Variants in CFAP43 observed in about 807,000 individuals in gnomAD.
The protein encoded by CFAP43 is cilia- and flagella-associated protein 43.
A neutral mutation model predicts 218.9 loss-of-function variants in CFAP43; 155 were observed. The observed-to-expected ratio is 0.71, with a 90% CI of 0.62 to 0.81. The LOEUF is 0.81. Among genes scored for constraint, CFAP43 ranks in the 30% least tolerant of loss-of-function variants. The pLI is 0.00. For synonymous variants in CFAP43, 645 were observed against 681.3 expected, an observed-to-expected ratio of 0.95 and a Z score of 0.83; for missense variants, 1,778 against 1,954.3, an observed-to-expected ratio of 0.91 and a Z score of 1.70.
intron 5 of CFAP43, among the ~76,000 whole-genome samples, chr10:104,208,941 G>A (rs1039513581): frequency 6.6e-5 from 10 of 152,156 alleles, no homozygotes; most frequent in African/African-American, 2.4e-4. Context: ...CCCTAAATAA[G>A]TTGTGTAATG....
At chr10:104,153,638 C>T (rs180948052) in intron 27 of CFAP43, among the ~76,000 whole-genome samples, 1 of 152,192 alleles carries the variant, frequency 6.6e-6, no homozygotes, top group Non-Finnish European at 1.5e-5. Context: ...AATTTGTTTG[C>T]AACTGTTAAT....
At chr10:104,169,523 T>C (rs1589692767) in intron 20 of CFAP43, among the ~76,000 whole-genome samples, 2 of 152,126 alleles carry the variant, frequency 1.3e-5, no homozygotes, top group South Asian at 4.1e-4. Flanking sequence ...AATAATTAAG[T>C]ATTCTTATTT....
chr10:104,143,498 T>C lies in CFAP43; in HGVS notation c.4086A>G (p.Pro1362=), dbSNP rs762508172. The C allele has an allele frequency of 6.2e-7, 1 of 1,614,262 alleles. No individual in the cohort carries two copies. The highest frequency in any genetic ancestry group is 1.1e-5 in the South Asian group (1 of 91,092). Residue 1362 remains proline, a synonymous_variant, in exon 32 of 38, where the codon CCA becomes CCG. Coordinates refer to ENST00000357060, the MANE Select transcript of CFAP43 (RefSeq NM_025145.7). ...TCCAGACCAAAGGGTCCAAGCCTTC[T>C]GGCATGTTACTAATATTGTCCAACT... ...MDELDNISNM[P]EGLDPLVWNH...
At chr10:104,223,147 G>T (rs1341836489) in intron 3 of CFAP43, among the ~76,000 whole-genome samples, 1 of 152,228 alleles carries the variant, frequency 6.6e-6, no homozygotes, top group African/African-American at 2.4e-5. Flanking sequence ...TGCTCAAGGT[G>T]GTGGGCATGT....
At chr10:104,146,148 A>C in intron 30 of CFAP43, 115 bp downstream of exon 30, 2 of 775,518 alleles carry the variant, frequency 2.6e-6, no homozygotes, top group Non-Finnish European at 4.2e-6. Context: ...ATAGCTGAGA[A>C]TTAAGTGGGA....
chr10:104,150,174 C>T (rs893890067), intron 28 of CFAP43, among the ~76,000 whole-genome samples: 42 of 152,184 alleles, frequency 2.8e-4, no homozygotes, highest in African/African-American at 1.0e-3. Flanking sequence ...ATATTTTACT[C>T]ATCTGCTCTC....
At chr10:104,187,588 T>A in intron 13 of CFAP43, 96 bp from the exon 14 acceptor site, 2 of 1,086,500 alleles carry the variant, frequency 1.8e-6, no homozygotes, top group Non-Finnish European at 2.5e-6. Context: ...AAATAAAATT[T>A]AAATGCTCAA....
In CFAP43 at chr10:104,145,478, T is replaced by C; in HGVS notation, c.3942A>G (p.Pro1314=). Residue 1314 remains proline (P), a splice_region_variant and synonymous_variant, in exon 31 of 38, where the codon CCA becomes CCG. Coordinates refer to ENST00000357060, the MANE Select transcript of CFAP43 (RefSeq NM_025145.7). ...ACAATAGTGAAGGAGAAACAAACCT[T>C]GGTCGGCGTTTAAAAAGTTTGTAGA... The part of the protein sequence containing the change: ...DILYKLFKRR[P]RISKQKTHSE... 6.3e-7 allele frequency: 1 copy of C among 1,590,084 alleles called. No individual in the cohort carries two copies. Among genetic ancestry groups the C allele is most frequent in the Non-Finnish European group, 8.6e-7 (1 of 1,162,706 alleles).
intron 34 of CFAP43, among the ~76,000 whole-genome samples, chr10:104,139,396 C>G (rs186882821): frequency 6.6e-6 from 1 of 152,118 alleles, no homozygotes; most frequent in Non-Finnish European, 1.5e-5. Context: ...AAGAATCTCA[C>G]GCACACATGT....
At chr10:104,202,295 G>A (rs1419186505) in intron 8 of CFAP43, among the ~76,000 whole-genome samples, 1 of 151,956 alleles carries the variant, frequency 6.6e-6, no homozygotes, top group Admixed American at 6.6e-5. Flanking sequence ...TCTTTTCTCC[G>A]ACTGCTTTTA....
In CFAP43 at chr10:104,200,670, CAAAAAAAAAA is replaced by C. The variant is rs71022722; in HGVS notation, c.1096-2642_1096-2633del. On this transcript the variant is annotated intron_variant, in intron 8 of 37. Coordinates refer to ENST00000357060, the MANE Select transcript of CFAP43 (RefSeq NM_025145.7). ...TGGGTGACAGAGCAAGACTCTGTCT[CAAAAAAAAAA>C]AAAAAAAAAAAAAAAAGACCCAAAG... Among the ~76,000 whole-genome samples the C allele has an allele frequency of 4.0e-4, 9 of 22,652 alleles. No individual in the cohort carries two copies. The South Asian group carries it at 5.6e-3, about 14-fold the overall frequency. 14.9% of individuals were successfully genotyped at this position (22,652 alleles called of 152,430 possible). A position where few individuals can be genotyped will look rare whatever the true frequency, so the allele number is the denominator to read the frequency against.
intron 19 of CFAP43, among the ~76,000 whole-genome samples, chr10:104,175,295 C>T (rs2089586657): frequency 6.6e-6 from 1 of 151,948 alleles, no homozygotes; most frequent in East Asian, 1.9e-4. Context: ...CGTGGTGGTG[C>T]ATGTCTGCAG....
chr10:104,164,456 G>T, intron 23 of CFAP43, among the ~76,000 whole-genome samples, 156 bp from the exon 24 acceptor site: 1 of 148,998 alleles, frequency 6.7e-6, no homozygotes. Context: ...GGAGTGCAGT[G>T]GCATGATCTC....
intron 28 of CFAP43, among the ~76,000 whole-genome samples, chr10:104,148,446 C>T (rs2088084981): frequency 6.6e-6 from 1 of 151,976 alleles, no homozygotes; most frequent in Non-Finnish European, 1.5e-5. Context: ...GGATATTTGC[C>T]CCATCCAAAC....
intron 2 of CFAP43, among the ~76,000 whole-genome samples, chr10:104,228,122 G>A (rs1341066638): frequency 2.6e-5 from 4 of 152,054 alleles, no homozygotes; most frequent in Admixed American, 6.5e-5. Flanking sequence ...GATTACAGGC[G>A]TGAGCCACTG....
chr10:104,179,576 T>C (rs1258189853), intron 18 of CFAP43, among the ~76,000 whole-genome samples: 3 of 152,198 alleles, frequency 2.0e-5, no homozygotes, highest in Non-Finnish European at 4.4e-5. Context: ...GTTCATCCTT[T>C]GCTGTGGCTT....
intron 26 of CFAP43, 66 bp from the exon 27 acceptor site, chr10:104,161,228 C>T: frequency 6.6e-7 from 1 of 1,517,058 alleles, no homozygotes; most frequent in Admixed American, 2.1e-5. Context: ...AGTAAAAGCT[C>T]AGAGTTTTTT....
chr10:104,131,067 G>A lies in CFAP43; in HGVS notation c.4831+264C>T, dbSNP rs1175134977. Reference sequence around the variant, plus strand: ...ACTAGAGGGAGGAGGCAGGGAGGGAGGAAGGGCTGAAAAATTATGGGGTAC... The same window carrying A: ...ACTAGAGGGAGGAGGCAGGGAGGGAAGAAGGGCTGAAAAATTATGGGGTAC... On this transcript the variant is annotated intron_variant, in intron 37 of 37. Transcript: ENST00000357060. Among the ~76,000 whole-genome samples, 13 of 151,314 alleles carry A rather than the reference G, an allele frequency of 8.6e-5. No homozygotes were observed. The East Asian group carries it at 2.3e-3, about 27-fold the overall frequency.
In CFAP43 at chr10:104,185,128, G is replaced by A. The variant is rs770946996; in HGVS notation, c.2029C>T (p.Arg677Trp). Residue 677 changes from arginine to tryptophan, a missense_variant, in exon 16 of 38, where the codon CGG (arginine) becomes TGG (tryptophan). Physicochemically the swap from Arg to Trp is moderately radical, Grantham distance 101. This residue lies in a region of CFAP43 where 1,553 missense variants were observed against 1,685.2 expected (regional missense o/e 0.92). Transcript: ENST00000357060. ...CCATGACCCTGGTGAGAATGACTCC[G>A]ACACCAAGCAAATGTTTCCTCAATA... ...VYTLETFAWC[R>W]SHSHQGHGIQ... 59 of 1,613,600 alleles carry A rather than the reference G, an allele frequency of 3.7e-5. No individual in the cohort carries two copies. Among genetic ancestry groups the A allele is most frequent in the Non-Finnish European group, 4.0e-5 (47 of 1,179,954 alleles).
Sources: gnomAD v4.1 joint callset for allele counts (sites outside exome capture counted in the v4.1 genomes callset) on GRCh38, gnomAD v4.1.1 for gene constraint, gnomAD v4.1.1 regional missense constraint, MANE v1.5 for transcripts, NCBI Gene and HGNC (gene_info 2026-07-23, HGNC 2026-07-21) for gene names.